BNIPL: variants seen among roughly 807,000 people sequenced by gnomAD.
BNIPL encodes the protein bcl-2/adenovirus E1B 19 kDa-interacting protein 2-like protein.
Under a neutral mutation model 47.0 loss-of-function variants are expected in BNIPL, and 33 were observed. That is an observed-to-expected ratio of 0.70 (90% CI 0.53 to 0.94). The LOEUF (loss-of-function observed/expected upper bound fraction) is 0.94, where lower values mean the gene tolerates loss of function less well. Among genes scored for constraint, BNIPL ranks in the 40% least tolerant of loss-of-function variants. BNIPL has a pLI of 0.00. For synonymous variants in BNIPL, 145 were observed against 162.7 expected, an observed-to-expected ratio of 0.89 and a Z score of 0.83; for missense variants, 404 against 445.2, an observed-to-expected ratio of 0.91 and a Z score of 0.83.
At chr1:151,043,310 A>AT in intron 5 of BNIPL, 22 bp from the exon 6 acceptor site, 1 of 1,560,176 alleles carries the variant, frequency 6.4e-7, no homozygotes, top group Non-Finnish European at 8.8e-7. Flanking sequence ...GACCAAATGA[A>AT]TTTTCCCCTT....
At chr1:151,040,763 C>G (rs1286053415) in intron 4 of BNIPL, among the ~76,000 whole-genome samples, 1 of 148,078 alleles carries the variant, frequency 6.8e-6, no homozygotes, top group African/African-American at 2.5e-5. Flanking sequence ...TCACTGCACT[C>G]CAGCCTGGGC....
At position 151,038,701 on chromosome 1, in the gene BNIPL, A is replaced by G. The variant is rs587755604; in HGVS notation, c.203-95A>G. ...CTGCGTGAGTCCTTCTTCAGCATTC[A>G]CCCCATATTATCACTTTCACATACA... On this transcript the variant is annotated intron_variant, in intron 3 of 9. Coordinates refer to ENST00000368931, the MANE Select transcript of BNIPL (RefSeq NM_138278.4). 29 of 1,556,058 alleles carry G rather than the reference A, an allele frequency of 1.9e-5. No homozygotes were observed. In the South Asian group the frequency reaches 3.3e-4, roughly 18 times the overall value.
intron 2 of BNIPL, chr1:151,038,266 C>T (rs956993462): frequency 1.8e-5 from 10 of 550,490 alleles, no homozygotes; most frequent in East Asian, 9.2e-5. Context: ...CCCAGCTACT[C>T]GGGAGGCTGA....
intron 4 of BNIPL, 146 bp from the exon 5 acceptor site, chr1:151,042,810 T>C (rs375200237): frequency 1.3e-5 from 8 of 616,042 alleles, no homozygotes; most frequent in East Asian, 1.1e-4. Context: ...TGAGACTCTG[T>C]CTCAAAAAAA....
chr1:151,036,651 G>A lies in BNIPL; in HGVS notation c.-75G>A, dbSNP rs1675606238. On this transcript the variant is annotated 5_prime_UTR_variant, in exon 1 of 10. The change creates a new upstream start codon in the 5' untranslated region. Transcript: ENST00000368931. ...GCTGAGACAGAAAAGAGGTAAGGAAGTGTTGGGGGCTGGGACAACCAGCTC... is the reference window on the plus strand; with the variant it reads ...GCTGAGACAGAAAAGAGGTAAGGAAATGTTGGGGGCTGGGACAACCAGCTC... 3 of 1,319,648 alleles carry A rather than the reference G, an allele frequency of 2.3e-6. No individual in the cohort carries two copies. In the South Asian group the frequency reaches 3.5e-5, roughly 16 times the overall value. 81.7% of individuals were successfully genotyped at this position (1,319,648 alleles called of 1,614,324 possible).
In BNIPL at chr1:151,042,985, A is replaced by G. The variant is rs759715392; in HGVS notation, c.463A>G (p.Thr155Ala). 2 of 1,603,222 alleles carry G rather than the reference A, an allele frequency of 1.2e-6. No individual in the cohort carries two copies. The highest frequency in any genetic ancestry group is 1.7e-6 in the Non-Finnish European group (2 of 1,177,098). The change falls in exon 5 of 10, where the codon ACC (threonine) becomes GCC (alanine). Residue 155 changes from threonine to alanine, a missense_variant. Thr to Ala is a moderately conservative substitution (Grantham distance 58). Coordinates refer to ENST00000368931, the MANE Select transcript of BNIPL (RefSeq NM_138278.4). ...ACTACCCCGGGCAGAGGGTCTGGGC[A>G]CCAGTGAGACAGCTGAAAGGCTGGG... ...DELPRAEGLGTSETAERLGRG... is the reference protein window; with the variant it reads ...DELPRAEGLGASETAERLGRG...
intron 7 of BNIPL, chr1:151,045,584 G>A (rs11204766): frequency 8.8e-6 from 5 of 569,320 alleles, no homozygotes; most frequent in Non-Finnish European, 1.1e-5. Flanking sequence ...AAAAAATCTT[G>A]AGAGTTTTTT....
In BNIPL at chr1:151,036,648, G is replaced by T. The variant is rs1322518331; in HGVS notation, c.-78G>T. On this transcript the variant is annotated 5_prime_UTR_variant, in exon 1 of 10. Transcript: ENST00000368931. ...ACAGCTGAGACAGAAAAGAGGTAAGGAAGTGTTGGGGGCTGGGACAACCAG... is the reference window on the plus strand; with the variant it reads ...ACAGCTGAGACAGAAAAGAGGTAAGTAAGTGTTGGGGGCTGGGACAACCAG... 1 of 1,292,894 alleles carries T rather than the reference G, an allele frequency of 7.7e-7. No individual in the cohort carries two copies. The highest frequency in any genetic ancestry group is 1.2e-5 in the South Asian group (1 of 84,500). The allele number at this position is 1,292,894 out of a possible 1,614,324, so 80.1% of individuals were successfully genotyped here.
chr1:151,042,029 A>T lies in BNIPL; in HGVS notation c.434-927A>T, dbSNP rs186265046. ...GGAGAATAAGAAGAATAATTTATTT[A>T]TTATTATTATTATTATTTTTGAGAC... On this transcript the variant is annotated intron_variant, in intron 4 of 9. Coordinates refer to ENST00000368931, the MANE Select transcript of BNIPL (RefSeq NM_138278.4). 2.0e-3 allele frequency among the ~76,000 whole-genome samples: 300 copies of T among 151,686 alleles called. 8 individuals carry two copies. The highest frequency in any genetic ancestry group is 0.014 in the Admixed American group (215 of 15,210).
chr1:151,038,467 G>T (rs966711024), intron 2 of BNIPL, 37 bp from the exon 3 acceptor site: 1 of 1,510,970 alleles, frequency 6.6e-7, no homozygotes, highest in Non-Finnish European at 9.2e-7. Flanking sequence ...TGCCTTTGGT[G>T]TATATGTCTG....
chr1:151,046,127 A>G lies in BNIPL; in HGVS notation c.999A>G (p.Ile333Met). Residue 333 changes from isoleucine to methionine, a missense_variant, in exon 9 of 10, where the codon ATA (isoleucine) becomes ATG (methionine). Coordinates refer to ENST00000368931, the MANE Select transcript of BNIPL (RefSeq NM_138278.4). Reference protein sequence around the residue: ...LDSLGELAQLISLDQVHIPEA... With the variant: ...LDSLGELAQLMSLDQVHIPEA... The stretch of plus-strand genomic sequence containing the variant: ...GCCTGGGGGAGCTGGCCCAACTCAT[A>G]TCCCTGGATCAAGTCCACATCCCTG... The G allele has an allele frequency of 6.2e-7, 1 of 1,614,158 alleles. No individual in the cohort carries two copies. Among genetic ancestry groups the G allele is most frequent in the Admixed American group, 1.7e-5 (1 of 60,022 alleles).
chr1:151,046,814 A>C lies in BNIPL; in HGVS notation c.*127A>C. ...CAGTACCACCGGATCTTCACTTCTC[A>C]GTGGGATTTTGTCCTTTGCATGACC... On this transcript the variant is annotated 3_prime_UTR_variant, in exon 10 of 10. Coordinates refer to ENST00000368931, the MANE Select transcript of BNIPL (RefSeq NM_138278.4). 6.4e-6 allele frequency: 5 copies of C among 777,120 alleles called. No individual in the cohort carries two copies. Among genetic ancestry groups the C allele is most frequent in the Non-Finnish European group, 8.3e-6 (4 of 483,114 alleles). 48.1% of individuals were successfully genotyped at this position (777,120 alleles called of 1,614,324 possible). A position where few individuals can be genotyped will look rare whatever the true frequency, so the allele number is the denominator to read the frequency against.
intron 7 of BNIPL, chr1:151,045,064 A>C (rs1571843349): frequency 2.6e-6 from 2 of 781,716 alleles, no homozygotes; most frequent in South Asian, 2.0e-5. Flanking sequence ...GGAGTTCAAG[A>C]CCAGCCTGGC....
In BNIPL at chr1:151,046,572, C is replaced by T. The variant is rs1676031363; in HGVS notation, c.1038-79C>T. 6.0e-6 allele frequency: 8 copies of T among 1,340,712 alleles called. No homozygotes were observed. The African/African-American group carries it at 8.8e-5, about 15-fold the overall frequency. 83.1% of individuals were successfully genotyped at this position (1,340,712 alleles called of 1,614,324 possible). ...CATCTAGCTCTTCCAATTCACCTGG[C>T]TTCTCTCCCCAAACCAGAAAATAAA... is the stretch of plus-strand genomic sequence containing the variant. On this transcript the variant is annotated intron_variant, in intron 9 of 9. Transcript: ENST00000368931.
chr1:151,039,380 A>G (rs1386749194), intron 4 of BNIPL, among the ~76,000 whole-genome samples: 1 of 152,196 alleles, frequency 6.6e-6, no homozygotes. Flanking sequence ...TATGATCTAT[A>G]TATGTGTAGG....
At position 151,043,088 on chromosome 1, in the gene BNIPL, G is replaced by A. The variant is rs61751620; in HGVS notation, c.566G>A (p.Arg189His). The A allele has an allele frequency of 0.024, 39,500 of 1,612,338 alleles. 597 individuals are homozygous for A. The highest frequency in any genetic ancestry group is 0.029 in the Non-Finnish European group (34,081 of 1,179,434). ...TTCCGAATGGGACCACGGGAGCAGC[G>A]CGTAGACATGACTGTCATTGAGCCC... ...RVFRMGPREQRVDMTVIEPYK... is the reference protein window; with the variant it reads ...RVFRMGPREQHVDMTVIEPYK... Residue 189 changes from arginine (R) to histidine (H), a missense_variant, in exon 5 of 10, where the codon CGC becomes CAC. Arg to His is a conservative substitution (Grantham distance 29). Coordinates refer to ENST00000368931, the MANE Select transcript of BNIPL (RefSeq NM_138278.4).
intron 8 of BNIPL, 56 bp downstream of exon 8, chr1:151,045,939 G>A (rs767877189): frequency 1.4e-5 from 22 of 1,613,716 alleles, no homozygotes; most frequent in Non-Finnish European, 1.9e-5. Context: ...TCAAAATCAA[G>A]ATTAAGATCT....
chr1:151,039,694 T>C, intron 4 of BNIPL, among the ~76,000 whole-genome samples: 1 of 152,202 alleles, frequency 6.6e-6, no homozygotes, highest in East Asian at 1.9e-4. Flanking sequence ...AGGCCCTTGC[T>C]GCCATGATAA....
chr1:151,043,756 T>G, intron 7 of BNIPL, 29 bp downstream of exon 7: 1 of 1,565,656 alleles, frequency 6.4e-7, no homozygotes, highest in Non-Finnish European at 8.7e-7. Context: ...GGGCTACAAC[T>G]CTCTATCTCA....
Sources: allele counts gnomAD v4.1 joint callset (sites outside exome capture counted in the v4.1 genomes callset), GRCh38; gene constraint gnomAD v4.1.1; transcripts MANE v1.5; gene names NCBI Gene and HGNC (gene_info 2026-07-23, HGNC 2026-07-21).